The following RPS6KC1 variants were observed in gnomAD, a reference collection of about 807,000 sequenced individuals.
The protein encoded by RPS6KC1 is ribosomal protein S6 kinase C1.
A neutral mutation model predicts 103.8 loss-of-function variants in RPS6KC1; 54 were observed. The observed-to-expected ratio is 0.52, with a 90% CI of 0.42 to 0.65. RPS6KC1 has a LOEUF of 0.65. RPS6KC1 is among the 30% of genes least tolerant of loss of function. The pLI is 0.00. For synonymous variants in RPS6KC1, 439 were observed against 438.7 expected (o/e 1.00, Z -0.01); for missense variants, 1,151 against 1,253.8 (o/e 0.92, Z 1.24).
At chr1:213,418,572 C>T in the RPS6KC1 span, among the ~76,000 whole-genome samples, 3 of 152,074 alleles carry the variant, frequency 2.0e-5, no homozygotes, top group South Asian at 6.2e-4. Flanking sequence ...GTGAAGTTCG[C>T]CATATGGAGA....
At chr1:213,475,722 C>CTTTCA in the RPS6KC1 span, among the ~76,000 whole-genome samples, 1 of 152,192 alleles carries the variant, frequency 6.6e-6, no homozygotes, top group Non-Finnish European at 1.5e-5. Flanking sequence ...ACTGCCAAGT[C>CTTTCA]TTTCAAGCTC....
At chr1:213,358,569 C>A in the RPS6KC1 span, among the ~76,000 whole-genome samples, 1 of 152,066 alleles carries the variant, frequency 6.6e-6, no homozygotes, top group Non-Finnish European at 1.5e-5. Flanking sequence ...TTTTGCTGAC[C>A]TTTTCAAAAA....
the RPS6KC1 span, among the ~76,000 whole-genome samples, chr1:213,425,075 C>T: frequency 1.3e-5 from 2 of 152,138 alleles, no homozygotes; most frequent in African/African-American, 2.4e-5. Flanking sequence ...GAAGCAAGAC[C>T]CCTCATCCAC....
At chr1:213,708,001 C>G in the RPS6KC1 span, among the ~76,000 whole-genome samples, 1 of 152,112 alleles carries the variant, frequency 6.6e-6, no homozygotes, top group Non-Finnish European at 1.5e-5. Flanking sequence ...GCTCTTTTTG[C>G]TTAGCATTGC....
At chr1:213,569,088 G>A in the RPS6KC1 span, among the ~76,000 whole-genome samples, 4 of 152,224 alleles carry the variant, frequency 2.6e-5, no homozygotes, top group South Asian at 4.1e-4. Flanking sequence ...AGTGGTCAGG[G>A]ACCCTGGGCT....
At chr1:213,542,220 C>T in the RPS6KC1 span, among the ~76,000 whole-genome samples, 1 of 152,184 alleles carries the variant, frequency 6.6e-6, no homozygotes, top group Non-Finnish European at 1.5e-5. Context: ...AGCCCTGACT[C>T]AGCCCCTAAA....
At chr1:213,842,213 C>T in the RPS6KC1 span, 1 of 152,444 alleles carries the variant, frequency 6.6e-6, no homozygotes, top group African/African-American at 2.4e-5. Context: ...GACACTGCCT[C>T]CTGCAACACT....
At chr1:213,399,666 C>G in the RPS6KC1 span, among the ~76,000 whole-genome samples, 51 of 152,178 alleles carry the variant, frequency 3.4e-4, no homozygotes, top group Non-Finnish European at 6.2e-4. Context: ...TCTCCTCCCC[C>G]GCACCAGACC....
At chr1:213,088,509 A>C (rs965245095) in intron 3 of RPS6KC1, among the ~76,000 whole-genome samples, 1 of 151,866 alleles carries the variant, frequency 6.6e-6, no homozygotes, top group African/African-American at 2.4e-5. Flanking sequence ...ATTACAGGCT[A>C]CCATGCCCAA....
At chr1:213,300,365 C>T in the RPS6KC1 span, among the ~76,000 whole-genome samples, 1 of 152,174 alleles carries the variant, frequency 6.6e-6, no homozygotes, top group Non-Finnish European at 1.5e-5. Flanking sequence ...CACCTAGATT[C>T]AAGGGCAAAG....
chr1:213,291,402 G>C, the RPS6KC1 span, among the ~76,000 whole-genome samples: 2 of 152,128 alleles, frequency 1.3e-5, no homozygotes, highest in Non-Finnish European at 2.9e-5. Context: ...CAGCAACTTC[G>C]CTAACTTGAT....
At chr1:213,325,406 C>T in the RPS6KC1 span, among the ~76,000 whole-genome samples, 1 of 152,306 alleles carries the variant, frequency 6.6e-6, no homozygotes, top group African/African-American at 2.4e-5. Context: ...GAAACAAATA[C>T]CTTTCCCTTT....
chr1:213,157,128 C>T (rs777767120), intron 6 of RPS6KC1, among the ~76,000 whole-genome samples: 18 of 151,980 alleles, frequency 1.2e-4, no homozygotes, highest in African/African-American at 1.7e-4. Context: ...AAATAATTTC[C>T]AGTTATCTTT....
chr1:213,645,131 C>T, the RPS6KC1 span, among the ~76,000 whole-genome samples: 11 of 152,128 alleles, frequency 7.2e-5, no homozygotes, highest in Admixed American at 3.3e-4. Context: ...CCTTTCTTCC[C>T]TCCTTCCTGT....
intron 8 of RPS6KC1, among the ~76,000 whole-genome samples, chr1:213,207,288 C>T (rs961177962): frequency 2.0e-5 from 3 of 152,142 alleles, no homozygotes; most frequent in Non-Finnish European, 4.4e-5. Flanking sequence ...AAACAGCAGA[C>T]AGAAATGGAC....
At chr1:213,797,041 A>G in the RPS6KC1 span, among the ~76,000 whole-genome samples, 1 of 152,226 alleles carries the variant, frequency 6.6e-6, no homozygotes, top group East Asian at 1.9e-4. Flanking sequence ...CAATCAGTTG[A>G]TGACTACTAA....
rs374456775 is a variant in RPS6KC1 at position 213,161,932 on chromosome 1, G to C, written c.836-5926G>C. Among the ~76,000 whole-genome samples, 36 of 152,300 alleles carry C rather than the reference G, an allele frequency of 2.4e-4. No homozygotes were observed. The East Asian group carries it at 6.7e-3, about 29-fold the overall frequency. On this transcript the variant is annotated intron_variant, in intron 6 of 14. Coordinates refer to ENST00000366960, the MANE Select transcript of RPS6KC1 (RefSeq NM_012424.6). ...AGATTTTCTACTTCTCTTAAGATGT[G>C]TGTCTCATGGCCAGTGAAAGAATGA...
chr1:213,058,085 T>TA (rs1339505811), intron 1 of RPS6KC1, among the ~76,000 whole-genome samples: 6 of 143,274 alleles, frequency 4.2e-5, no homozygotes, highest in South Asian at 2.3e-4. Context: ...TTTTTTTTTT[T>TA]AGAGATGGGG....
At chr1:213,367,598 C>T in the RPS6KC1 span, among the ~76,000 whole-genome samples, 3 of 152,254 alleles carry the variant, frequency 2.0e-5, no homozygotes, top group South Asian at 4.1e-4. Context: ...AAAGATAAGG[C>T]GCTTACCCCA....
Sources: gnomAD v4.1 joint callset for allele counts (sites outside exome capture counted in the v4.1 genomes callset) on GRCh38, gnomAD v4.1.1 for gene constraint, MANE v1.5 for transcripts, NCBI Gene and HGNC (gene_info 2026-07-23, HGNC 2026-07-21) for gene names.